SH3RF2: variants seen among roughly 807,000 people sequenced by gnomAD.
SH3RF2 encodes the protein E3 ubiquitin-protein ligase SH3RF2.
In SH3RF2, 43 loss-of-function variants were observed where a neutral mutation model predicts 59.0. The observed-to-expected ratio is 0.73, with a 90% confidence interval of 0.57 to 0.94. SH3RF2 has a LOEUF of 0.94. Ranked by LOEUF, SH3RF2 falls within the 40% of genes least tolerant of loss-of-function variation. The pLI, the probability that SH3RF2 is intolerant of heterozygous loss-of-function variation, is 0.00. For synonymous variants in SH3RF2, 391 were observed against 391.5 expected (o/e 1.00, Z 0.01); for missense variants, 930 against 940.1 (o/e 0.99, Z 0.14).
At chr5:146,027,674 G>T (rs1761578140) in intron 5 of SH3RF2, among the ~76,000 whole-genome samples, 1 of 152,232 alleles carries the variant, frequency 6.6e-6, no homozygotes, top group South Asian at 2.1e-4. Context: ...TAGAAAGTCA[G>T]AGAAGCCTGC....
At chr5:146,059,550 G>A (rs990599066) in intron 8 of SH3RF2, among the ~76,000 whole-genome samples, 5 of 149,370 alleles carry the variant, frequency 3.3e-5, no homozygotes, top group East Asian at 1.9e-4. Context: ...GTGTGTGTAC[G>A]TGTGTGTGTG....
chr5:146,070,154 A>T (rs1763201970), intron 9 of SH3RF2, among the ~76,000 whole-genome samples: 1 of 152,088 alleles, frequency 6.6e-6, no homozygotes, highest in Non-Finnish European at 1.5e-5. Flanking sequence ...TAGAATTGAG[A>T]CTCAGAGGTC....
chr5:145,964,190 TCTTTC>T (rs1398509450), intron 2 of SH3RF2, among the ~76,000 whole-genome samples: 1 of 151,658 alleles, frequency 6.6e-6, no homozygotes, highest in Non-Finnish European at 1.5e-5. Context: ...TTTTCTTTCT[TCTTTC>T]TTTTCCTTCC....
At chr5:145,950,147 G>A (rs1018400661) in intron 2 of SH3RF2, among the ~76,000 whole-genome samples, 9 of 152,200 alleles carry the variant, frequency 5.9e-5, no homozygotes. Context: ...CTGAGCCAAA[G>A]AAACATGTCT....
intron 4 of SH3RF2, among the ~76,000 whole-genome samples, chr5:146,007,424 G>A (rs1052852269): frequency 2.6e-5 from 4 of 152,192 alleles, no homozygotes; most frequent in Admixed American, 2.6e-4. Context: ...GTCAGTGGCA[G>A]AGCCATCTGC....
intron 2 of SH3RF2, among the ~76,000 whole-genome samples, chr5:145,970,252 T>A (rs576054470): frequency 6.6e-6 from 1 of 152,088 alleles, no homozygotes; most frequent in Admixed American, 6.6e-5. Flanking sequence ...CAATTTGTAG[T>A]TTTTTATCCT....
At chr5:146,026,994 A>G (rs1013798960) in intron 5 of SH3RF2, among the ~76,000 whole-genome samples, 6 of 152,224 alleles carry the variant, frequency 3.9e-5, no homozygotes, top group African/African-American at 1.2e-4. Context: ...AGCTAAAACC[A>G]TCTCCCATCC....
chr5:145,989,957 G>T (rs1264395976), intron 2 of SH3RF2, among the ~76,000 whole-genome samples: 1 of 152,142 alleles, frequency 6.6e-6, no homozygotes, highest in East Asian at 1.9e-4. Context: ...TCTGAATTTT[G>T]CTATTTGGAT....
At chr5:146,072,218 G>A (rs1580959503) in intron 9 of SH3RF2, among the ~76,000 whole-genome samples, 2 of 152,208 alleles carry the variant, frequency 1.3e-5, no homozygotes, top group African/African-American at 2.4e-5. Context: ...CAGAAAAGTG[G>A]GAACAATAAT....
intron 5 of SH3RF2, among the ~76,000 whole-genome samples, chr5:146,014,313 A>T (rs1052873845): frequency 6.6e-6 from 1 of 152,140 alleles, no homozygotes; most frequent in African/African-American, 2.4e-5. Flanking sequence ...GGGTTAAACA[A>T]CTTATCCAAA....
In SH3RF2 at chr5:146,069,432, G is replaced by T. The variant is rs180758694; in HGVS notation, c.*33+6698G>T. On this transcript the variant is annotated intron_variant, in intron 9 of 9. Transcript: ENST00000511217. ...TCTGGGCCTTGCCTGGGACCTCAAG[G>T]TAGCCAACCATAGAAACCAAAAGCA... is the stretch of plus-strand genomic sequence containing the variant. 2.2e-3 allele frequency among the ~76,000 whole-genome samples: 335 copies of T among 152,284 alleles called. 2 individuals carry two copies. The highest frequency in any genetic ancestry group is 7.9e-3 in the African/African-American group (327 of 41,548).
intron 5 of SH3RF2, among the ~76,000 whole-genome samples, chr5:146,047,530 C>T (rs1232150608): frequency 2.6e-5 from 4 of 152,070 alleles, no homozygotes. Flanking sequence ...ATCTTCCACC[C>T]TATCTGAGCA....
chr5:145,978,204 T>C (rs1331214366), intron 2 of SH3RF2, among the ~76,000 whole-genome samples: 1 of 152,298 alleles, frequency 6.6e-6, no homozygotes, highest in East Asian at 1.9e-4. Flanking sequence ...CAAGTCCATA[T>C]GGTATAAGCC....
At chr5:146,014,199 A>G in intron 5 of SH3RF2, 138 bp downstream of exon 5, 3 of 821,368 alleles carry the variant, frequency 3.7e-6, no homozygotes, top group Non-Finnish European at 5.7e-6. Flanking sequence ...TATGTATTCC[A>G]TGTTAGAATT....
chr5:146,059,053 A>G (rs1762783109), intron 8 of SH3RF2, among the ~76,000 whole-genome samples: 1 of 152,146 alleles, frequency 6.6e-6, no homozygotes, highest in Admixed American at 6.5e-5. Context: ...ATAGAATGCA[A>G]TCCTCACAGC....
chr5:146,009,723 TGGACATAATAATG>T (rs2149990268), intron 4 of SH3RF2, among the ~76,000 whole-genome samples: 1 of 152,320 alleles, frequency 6.6e-6, no homozygotes, highest in South Asian at 2.1e-4. Context: ...ATTTTTAAAA[TGGACATAATAATG>T]CTCATTCCCC....
intron 9 of SH3RF2, among the ~76,000 whole-genome samples, chr5:146,076,706 G>A (rs573434048): frequency 2.6e-5 from 4 of 152,288 alleles, no homozygotes; most frequent in Admixed American, 2.6e-4. Flanking sequence ...TGCAGGCCCT[G>A]GGAGCTCAGA....
At position 145,987,309 on chromosome 5, in the gene SH3RF2, C is replaced by T. The variant is rs142545100; in HGVS notation, c.379-12749C>T. ...GCACCCATCACCTGAGCAATATATACTGCACCTTATTTGAGTTCTTTTATC... is the reference window on the plus strand; with the variant it reads ...GCACCCATCACCTGAGCAATATATATTGCACCTTATTTGAGTTCTTTTATC... On this transcript the variant is annotated intron_variant, in intron 2 of 9. Coordinates refer to ENST00000359120, the MANE Select transcript of SH3RF2 (RefSeq NM_152550.4). Among the ~76,000 whole-genome samples the T allele has an allele frequency of 2.5e-3, 378 of 152,248 alleles. 2 individuals are homozygous for T. In the Middle Eastern group the frequency reaches 0.051, roughly 21 times the overall value.
At chr5:146,064,784 G>GAAAGAAAGA (rs70998051), downstream of SH3RF2, among the ~76,000 whole-genome samples, 4 of 37,690 alleles carry the variant, frequency 1.1e-4, no homozygotes, top group African/African-American at 5.0e-4. Flanking sequence ...GGAAAGGAAG[G>GAAAGAAAGA]AAGGAAGGAA....
Sources: allele counts gnomAD v4.1 joint callset (sites outside exome capture counted in the v4.1 genomes callset), GRCh38; gene constraint gnomAD v4.1.1; transcripts MANE v1.5; gene names NCBI Gene and HGNC (gene_info 2026-07-23, HGNC 2026-07-21).